The following RAD23B variants were observed in gnomAD, a reference collection of about 807,000 sequenced individuals.
RAD23B encodes the protein RAD23 nucleotide excision repair protein B.
In RAD23B, 5 loss-of-function variants were observed where a neutral mutation model predicts 49.1. The observed-to-expected ratio is 0.10, with a 90% CI of 0.05 to 0.21. The LOEUF (loss-of-function observed/expected upper bound fraction) is 0.21. Among genes scored for constraint, RAD23B ranks in the 10% least tolerant of loss-of-function variants. The pLI is 1.00. For missense variants in RAD23B, 356 were observed against 486.7 expected (o/e 0.73, Z 2.53); for synonymous variants, 184 against 165.4 (o/e 1.11, Z -0.86).
intron 1 of RAD23B, 41 bp downstream of exon 1, chr9:107,283,736 C>T: frequency 7.3e-7 from 1 of 1,376,312 alleles, no homozygotes; most frequent in South Asian, 1.6e-5. Flanking sequence ...CGCGTGCGGG[C>T]CGCGGGGAGC....
At chr9:107,329,469 C>A in intron 9 of RAD23B, 74 bp from the exon 10 acceptor site, 1 of 952,628 alleles carries the variant, frequency 1.0e-6, no homozygotes, top group Non-Finnish European at 1.6e-6. Flanking sequence ...ATGCTGGAAT[C>A]TATAATATGT....
chr9:107,301,811 G>C (rs1176870652), intron 2 of RAD23B, among the ~76,000 whole-genome samples: 1 of 152,136 alleles, frequency 6.6e-6, no homozygotes, highest in Non-Finnish European at 1.5e-5. Context: ...AAAGTGTTGG[G>C]ATTACAGGTG....
intron 1 of RAD23B, among the ~76,000 whole-genome samples, chr9:107,299,057 G>A (rs11573654): frequency 3.9e-5 from 6 of 152,178 alleles, no homozygotes; most frequent in Middle Eastern, 3.4e-3. Flanking sequence ...CTTTATTTCC[G>A]TCTCCTCATC....
chr9:107,300,855 A>C (rs900384191), intron 2 of RAD23B, among the ~76,000 whole-genome samples: 1 of 152,128 alleles, frequency 6.6e-6, no homozygotes. Context: ...TCACCCATGG[A>C]TTCTTCTCTT....
At chr9:107,329,514 G>T (rs746169370) in intron 9 of RAD23B, 29 bp from the exon 10 acceptor site, 1 of 1,374,130 alleles carries the variant, frequency 7.3e-7, no homozygotes, top group South Asian at 1.2e-5. Context: ...TGGTGTGTTG[G>T]ATTTATATTT....
intron 1 of RAD23B, among the ~76,000 whole-genome samples, chr9:107,299,398 C>G (rs367872858): frequency 6.6e-6 from 1 of 152,182 alleles, no homozygotes; most frequent in South Asian, 2.1e-4. Flanking sequence ...TTAAGAAGTT[C>G]ATTAGACTCA....
At chr9:107,311,625 T>C in intron 4 of RAD23B, 57 bp from the exon 5 acceptor site, 1 of 1,262,186 alleles carries the variant, frequency 7.9e-7, no homozygotes, top group South Asian at 1.4e-5. Context: ...ACTAAACTAA[T>C]GTAAATTAAA....
intron 5 of RAD23B, among the ~76,000 whole-genome samples, chr9:107,314,674 T>C (rs2133087981): frequency 6.6e-6 from 1 of 152,364 alleles, no homozygotes; most frequent in Non-Finnish European, 1.5e-5. Context: ...TATTTCCCTT[T>C]GGGTATATAT....
At chr9:107,305,850 C>T (rs1826750633) in intron 3 of RAD23B, among the ~76,000 whole-genome samples, 1 of 151,708 alleles carries the variant, frequency 6.6e-6, no homozygotes, top group East Asian at 1.9e-4. Flanking sequence ...TAGTTTATGC[C>T]TGTAATCCTA....
intron 1 of RAD23B, chr9:107,285,057 T>G: frequency 2.3e-6 from 2 of 860,642 alleles, no homozygotes; most frequent in Admixed American, 3.5e-5. Context: ...ACAGCCTTTT[T>G]GGGATTTTGG....
At position 107,313,326 on chromosome 9, in the gene RAD23B, A is replaced by G. The variant is rs146303345; in HGVS notation, c.553+1589A>G. ...CTGCAACCTCCACCTCCCAGGTTTA[A>G]GCGATTCTCCCGCCTCAGCCTCCTG... is the stretch of plus-strand genomic sequence containing the variant. On this transcript the variant is annotated intron_variant, in intron 5 of 9. Coordinates refer to ENST00000358015, the MANE Select transcript of RAD23B (RefSeq NM_002874.5). Among the ~76,000 whole-genome samples the G allele has an allele frequency of 2.9e-3, 448 of 151,990 alleles. 4 individuals carry two copies. The highest frequency in any genetic ancestry group is 0.02 in the East Asian group (104 of 5,154).
intron 1 of RAD23B, among the ~76,000 whole-genome samples, chr9:107,293,000 C>G (rs1234334102): frequency 6.6e-6 from 1 of 152,148 alleles, no homozygotes; most frequent in African/African-American, 2.4e-5. Flanking sequence ...GGTTCTTACT[C>G]AAGAGTCTCA....
chr9:107,320,010 C>T (rs140116504), intron 6 of RAD23B, among the ~76,000 whole-genome samples: 345 of 152,300 alleles, frequency 2.3e-3, no homozygotes, highest in Non-Finnish European at 3.9e-3. Context: ...CACAGTTTAA[C>T]CCATTCCTTT....
At chr9:107,325,151 C>G (rs1383839078) in intron 9 of RAD23B, 147 bp downstream of exon 9, 4 of 602,346 alleles carry the variant, frequency 6.6e-6, no homozygotes, top group Non-Finnish European at 1.1e-5. Flanking sequence ...CCCATCTCTA[C>G]TAAAAATACA....
chr9:107,320,565 T>C (rs1361755469), intron 6 of RAD23B, among the ~76,000 whole-genome samples: 1 of 152,138 alleles, frequency 6.6e-6, no homozygotes, highest in Non-Finnish European at 1.5e-5. Context: ...CTTTGTTTCA[T>C]AGACTGAAGG....
intron 1 of RAD23B, among the ~76,000 whole-genome samples, chr9:107,292,859 A>G (rs1329278517): frequency 6.6e-6 from 1 of 152,146 alleles, no homozygotes; most frequent in East Asian, 1.9e-4. Flanking sequence ...AAAAGAGGAT[A>G]ATAGTATCTA....
chr9:107,284,269 C>T (rs1237503354), intron 1 of RAD23B: 1 of 971,846 alleles, frequency 1.0e-6, no homozygotes, highest in East Asian at 1.1e-4. Flanking sequence ...GTTCTGCTGC[C>T]TTCCTCCCGC....
intron 4 of RAD23B, among the ~76,000 whole-genome samples, chr9:107,310,626 GC>G (rs1826871479): frequency 6.6e-6 from 1 of 152,120 alleles, no homozygotes; most frequent in East Asian, 1.9e-4. Context: ...TATGTATTGT[GC>G]GTTTTGAAAT....
rs1018899856 is a variant in RAD23B at position 107,324,695 on chromosome 9, A to G, written c.946-139A>G. The G allele has an allele frequency of 4.7e-6, 4 of 847,068 alleles. No individual in the cohort carries two copies. In the African/African-American group the frequency reaches 5.3e-5, roughly 11 times the overall value. 52.5% of individuals were successfully genotyped at this position (847,068 alleles called of 1,614,324 possible). A position where few individuals can be genotyped will look rare whatever the true frequency, so the allele number is the denominator to read the frequency against. The stretch of plus-strand genomic sequence containing the variant: ...ATTGTATAAGAAATCACATCCTTCC[A>G]AAGACTGAATAATCCAGAATCACTA... On this transcript the variant is annotated intron_variant, in intron 8 of 9. Coordinates refer to ENST00000358015, the MANE Select transcript of RAD23B (RefSeq NM_002874.5).
Sources: gnomAD v4.1 joint callset for allele counts (sites outside exome capture counted in the v4.1 genomes callset) on GRCh38, gnomAD v4.1.1 for gene constraint, MANE v1.5 for transcripts, NCBI Gene and HGNC (gene_info 2026-07-23, HGNC 2026-07-21) for gene names.